TGM6: variants seen among roughly 807,000 people sequenced by gnomAD.
TGM6 encodes protein-glutamine gamma-glutamyltransferase 6.
Under a neutral mutation model 77.5 loss-of-function variants are expected in TGM6, and 74 were observed. The ratio of observed to expected loss-of-function variants is 0.96; its 90% CI spans 0.79 to 1.16. The LOEUF (loss-of-function observed/expected upper bound fraction) is 1.16. Among genes scored for constraint, TGM6 ranks in the 50% most tolerant of loss-of-function variants. The probability of loss-of-function intolerance (pLI) is 0.00; values close to 1 mark genes in which losing one functional copy is unlikely to be tolerated. For synonymous variants in TGM6, 383 were observed against 378.9 expected (o/e 1.01, Z -0.12); for missense variants, 968 against 940.2 (o/e 1.03, Z -0.39).
intron 9 of TGM6, among the ~76,000 whole-genome samples, chr20:2,409,574 T>TG: frequency 6.6e-6 from 1 of 151,768 alleles, no homozygotes; most frequent in South Asian, 2.1e-4. Flanking sequence ...TAATTGGGTG[T>TG]GGGGGCATGC....
chr20:2,413,413 A>C (rs778054435), intron 9 of TGM6, among the ~76,000 whole-genome samples: 2 of 152,206 alleles, frequency 1.3e-5, no homozygotes, highest in Non-Finnish European at 2.9e-5. Context: ...TGTCTCAAAA[A>C]TAAACAGACA....
At chr20:2,410,426 C>T (rs1367862729) in intron 9 of TGM6, among the ~76,000 whole-genome samples, 2 of 152,140 alleles carry the variant, frequency 1.3e-5, no homozygotes, top group Admixed American at 6.5e-5. Context: ...CCACTTGGCT[C>T]TTCCAGAGTT....
intron 9 of TGM6, among the ~76,000 whole-genome samples, chr20:2,415,766 G>C (rs2084811851): frequency 6.6e-6 from 1 of 152,164 alleles, no homozygotes; most frequent in African/African-American, 2.4e-5. Context: ...GAGGAATGCT[G>C]CTGCGCAGTT....
intron 3 of TGM6, among the ~76,000 whole-genome samples, chr20:2,396,249 G>A (rs1482954204): frequency 6.6e-6 from 1 of 151,896 alleles, no homozygotes; most frequent in African/African-American, 2.4e-5. Context: ...GGCTACTACT[G>A]ACATCAAGGA....
At chr20:2,414,148 G>C (rs972069225) in intron 9 of TGM6, among the ~76,000 whole-genome samples, 1 of 152,110 alleles carries the variant, frequency 6.6e-6, no homozygotes, top group Non-Finnish European at 1.5e-5. Flanking sequence ...AAGGCGAGAG[G>C]AGTACTTGAG....
At chr20:2,428,504 C>T (rs1041754156) in intron 10 of TGM6, among the ~76,000 whole-genome samples, 1 of 152,142 alleles carries the variant, frequency 6.6e-6, no homozygotes, top group Non-Finnish European at 1.5e-5. Context: ...TCCCAGGTGA[C>T]GCTGATGCTG....
chr20:2,386,450 G>A (rs557690459), intron 1 of TGM6, among the ~76,000 whole-genome samples: 1 of 152,118 alleles, frequency 6.6e-6, no homozygotes, highest in Non-Finnish European at 1.5e-5. Flanking sequence ...CCCCATCAAG[G>A]AGCAAAAGAA....
intron 5 of TGM6, 139 bp from the exon 6 acceptor site, chr20:2,399,422 C>A (rs934874452): frequency 9.2e-7 from 1 of 1,087,352 alleles, no homozygotes; most frequent in African/African-American, 1.5e-5. Context: ...CAACAGATGC[C>A]CCTAATTTTC....
intron 10 of TGM6, among the ~76,000 whole-genome samples, chr20:2,422,958 A>G (rs1019583367): frequency 2.0e-5 from 3 of 151,480 alleles, no homozygotes; most frequent in Admixed American, 1.3e-4. Context: ...TCAAAAAAAA[A>G]AAAAAAAAGT....
At chr20:2,384,878 G>T (rs1026693642) in intron 1 of TGM6, among the ~76,000 whole-genome samples, 1 of 152,134 alleles carries the variant, frequency 6.6e-6, no homozygotes, top group Non-Finnish European at 1.5e-5. Flanking sequence ...TCAGCCCTGG[G>T]GTTGGCGAGC....
rs1234911786 is a variant in TGM6 at position 2,430,524 on chromosome 20, C to T, written c.1757C>T (p.Ala586Val). ...LTEDKKILLA[A>V]MCLVTKGEKL... ...GAGGACAAGAAGATCCTGTTGGCTG[C>T]CATGTGCCTTGTCACCAAAGGAGAG... is the stretch of plus-strand genomic sequence containing the variant. Residue 586 changes from alanine (A) to valine (V), a missense_variant, in exon 11 of 13, where the codon GCC becomes GTC. Transcript: ENST00000202625. 2 of 1,614,178 alleles carry T rather than the reference C, an allele frequency of 1.2e-6. No individual in the cohort carries two copies. Among genetic ancestry groups the T allele is most frequent in the Non-Finnish European group, 1.7e-6 (2 of 1,180,036 alleles).
In TGM6 at chr20:2,403,563, C is replaced by T. The variant is rs2084727044; in HGVS notation, c.1094-18C>T. The T allele has an allele frequency of 6.2e-7, 1 of 1,614,012 alleles. No individual in the cohort carries two copies. Among genetic ancestry groups the T allele is most frequent in the Non-Finnish European group, 8.5e-7 (1 of 1,180,038 alleles). On this transcript the variant is annotated intron_variant, in intron 8 of 12. Coordinates refer to ENST00000202625, the MANE Select transcript of TGM6 (RefSeq NM_198994.3). Reference sequence around the variant, plus strand: ...CTTTTCCTTACCCATGCTGCTCATGCCCACCCCTCCTGCCCAGGTGTGTTC... The same window carrying T: ...CTTTTCCTTACCCATGCTGCTCATGTCCACCCCTCCTGCCCAGGTGTGTTC...
intron 9 of TGM6, among the ~76,000 whole-genome samples, chr20:2,408,567 G>A (rs2084766594): frequency 6.6e-6 from 1 of 152,148 alleles, no homozygotes; most frequent in South Asian, 2.1e-4. Context: ...CTGCATAGTA[G>A]GTGCTCAGTA....
intron 4 of TGM6, 125 bp from the exon 5 acceptor site, chr20:2,397,793 G>T: frequency 6.7e-7 from 1 of 1,484,042 alleles, no homozygotes; most frequent in Non-Finnish European, 9.4e-7. Context: ...TGATGCCCCT[G>T]GTGGTTGGAG....
chr20:2,427,867 C>T (rs944393557), intron 10 of TGM6, among the ~76,000 whole-genome samples: 8 of 152,112 alleles, frequency 5.3e-5, no homozygotes, highest in Non-Finnish European at 8.8e-5. Flanking sequence ...GTGATTCTCC[C>T]TCCTCAGCCT....
intron 11 of TGM6, 79 bp from the exon 12 acceptor site, chr20:2,430,815 C>T: frequency 6.2e-7 from 1 of 1,612,446 alleles, no homozygotes; most frequent in Non-Finnish European, 8.5e-7. Context: ...ATGATCCATC[C>T]TCTAACTCAG....
At chr20:2,398,117 T>C in intron 5 of TGM6, 71 bp downstream of exon 5, 1 of 1,611,624 alleles carries the variant, frequency 6.2e-7, no homozygotes, top group Admixed American at 1.7e-5. Flanking sequence ...GGCCACAACC[T>C]GTGATTCTTC....
At chr20:2,430,676 T>TG (rs754377632) in intron 11 of TGM6, 76 bp downstream of exon 11, 42 of 1,607,902 alleles carry the variant, frequency 2.6e-5, no homozygotes, top group Middle Eastern at 1.9e-4. Context: ...CGTCAGAAGC[T>TG]GGGGGGGTTT....
chr20:2,400,410 C>A lies in TGM6; in HGVS notation c.955C>A (p.Arg319=), dbSNP rs572902669. ...GGACAAATACGTGGACTCCTTCGGGCGGACCCTGGAGGACCTGACAGAAGA... is the reference window on the plus strand; with the variant it reads ...GGACAAATACGTGGACTCCTTCGGGAGGACCCTGGAGGACCTGACAGAAGA... ...SVDKYVDSFG[R]TLEDLTEDSM... is the part of the protein sequence containing the mutation. Residue 319 remains arginine (R), a synonymous_variant, in exon 7 of 13, where the codon CGG becomes AGG. Transcript: ENST00000202625. 2.1e-5 allele frequency: 34 copies of A among 1,614,152 alleles called. No individual in the cohort carries two copies. In the East Asian group the frequency reaches 7.1e-4, roughly 34 times the overall value.
Sources: allele counts gnomAD v4.1 joint callset (sites outside exome capture counted in the v4.1 genomes callset), GRCh38; gene constraint gnomAD v4.1.1; transcripts MANE v1.5; gene names NCBI Gene and HGNC (gene_info 2026-07-23, HGNC 2026-07-21).